PDE3B: variants seen among roughly 807,000 people sequenced by gnomAD.
The protein encoded by PDE3B is phosphodiesterase 3B.
A neutral mutation model predicts 116.8 loss-of-function variants in PDE3B; 66 were observed. That is an observed-to-expected ratio of 0.56 (90% CI 0.46 to 0.69). PDE3B has a LOEUF of 0.69. Ranked by LOEUF, PDE3B falls within the 30% of genes least tolerant of loss-of-function variation. The pLI is 0.00. For synonymous variants in PDE3B, 595 were observed against 533.6 expected, an observed-to-expected ratio of 1.12 and a Z score of -1.59; for missense variants, 1,384 against 1,368.1, an observed-to-expected ratio of 1.01 and a Z score of -0.18.
At chr11:14,659,702 A>G (rs1008061900) in intron 1 of PDE3B, among the ~76,000 whole-genome samples, 28 of 152,140 alleles carry the variant, frequency 1.8e-4, no homozygotes, top group African/African-American at 6.8e-4. Flanking sequence ...CTACGTGGTC[A>G]TGTGTTCTCA....
At chr11:14,658,054 G>A (rs1853768855) in intron 1 of PDE3B, among the ~76,000 whole-genome samples, 1 of 152,120 alleles carries the variant, frequency 6.6e-6, no homozygotes, top group Non-Finnish European at 1.5e-5. Context: ...CCTATCCATG[G>A]AGAAGCATTG....
the PDE3B span, chr11:14,891,915 G>C: frequency 6.4e-7 from 1 of 1,560,680 alleles, no homozygotes; most frequent in Admixed American, 1.8e-5. Flanking sequence ...AGTCCAACCA[G>C]GAAGGCCCTG....
At chr11:14,704,975 T>TAA (rs1855486391) in intron 1 of PDE3B, among the ~76,000 whole-genome samples, 1 of 151,676 alleles carries the variant, frequency 6.6e-6, no homozygotes, top group Non-Finnish European at 1.5e-5. Context: ...AGAAACGACT[T>TAA]ATATATTGGA....
chr11:14,859,636 A>C (rs1455374579), intron 13 of PDE3B, among the ~76,000 whole-genome samples: 2 of 152,212 alleles, frequency 1.3e-5, no homozygotes, highest in African/African-American at 2.4e-5. Context: ...GTTTCTTAAG[A>C]ATCCAGTTAA....
rs768451196 is a variant in PDE3B at position 14,843,920 on chromosome 11, A to T, written c.2414A>T (p.Asn805Ile). 7.4e-6 allele frequency: 12 copies of T among 1,614,008 alleles called. No homozygotes were observed. Among genetic ancestry groups the T allele is most frequent in the Non-Finnish European group, 1.0e-5 (12 of 1,179,950 alleles). The change falls in exon 12 of 16, where the codon AAC becomes ATC. Residue 805 changes from asparagine (N) to isoleucine (I), a missense_variant. Coordinates refer to ENST00000282096, the MANE Select transcript of PDE3B (RefSeq NM_000922.4). ...GAGAGTTATGGCTGCCTGTCTTCAA[A>T]CATTCCTGCATTAGAATTGATGGCT... ...PDESYGCLSS[N>I]IPALELMALY...
At chr11:14,745,062 C>T (rs1055419278) in intron 1 of PDE3B, among the ~76,000 whole-genome samples, 1 of 152,070 alleles carries the variant, frequency 6.6e-6, no homozygotes, top group African/African-American at 2.4e-5. Context: ...TGAGATCAAG[C>T]GATCCTCCCA....
rs543637510 is a variant in PDE3B, at chr11:14,643,940, G to A, written c.-136G>A. The A allele has an allele frequency of 6.2e-6, 8 of 1,285,228 alleles. No homozygotes were observed. The highest frequency in any genetic ancestry group is 8.0e-6 in the Non-Finnish European group (8 of 1,001,650). The allele number at this position is 1,285,228 out of a possible 1,614,324, so 79.6% of individuals were successfully genotyped here. A position where few individuals can be genotyped will look rare whatever the true frequency, so the allele number is the denominator to read the frequency against. On this transcript the variant is annotated 5_prime_UTR_variant, in exon 1 of 16. The change creates a new upstream start codon in the 5' untranslated region. Transcript: ENST00000282096. ...GTCCGCGCGGTGGGGACCCCGGGCC[G>A]TGGCGGCCGGCGCAGCCCTGACGGG... is the stretch of plus-strand genomic sequence containing the variant.
At chr11:14,877,896 C>T in the PDE3B span, 5 of 525,222 alleles carry the variant, frequency 9.5e-6, no homozygotes, top group South Asian at 2.8e-5. Context: ...ATCATTTGCA[C>T]CTTTGTGTCT....
chr11:14,820,617 C>T (rs779949447), intron 7 of PDE3B, among the ~76,000 whole-genome samples: 1 of 152,092 alleles, frequency 6.6e-6, no homozygotes, highest in South Asian at 2.1e-4. Context: ...ATTCATGTGT[C>T]GAAATCCTAT....
chr11:14,657,793 A>G (rs1326695499), intron 1 of PDE3B, among the ~76,000 whole-genome samples: 1 of 152,250 alleles, frequency 6.6e-6, no homozygotes. Context: ...TAAAACAGGC[A>G]GTGCAATTAA....
At chr11:14,694,782 A>G (rs1208764908) in intron 1 of PDE3B, among the ~76,000 whole-genome samples, 3 of 152,120 alleles carry the variant, frequency 2.0e-5, no homozygotes, top group Admixed American at 2.0e-4. Flanking sequence ...GTCTGCTTTT[A>G]TGTGAACCAA....
chr11:14,778,440 A>G (rs999150627), intron 2 of PDE3B, among the ~76,000 whole-genome samples: 2 of 152,098 alleles, frequency 1.3e-5, no homozygotes. Flanking sequence ...GACGCCTCAT[A>G]CGGCCGGGCG....
intron 1 of PDE3B, among the ~76,000 whole-genome samples, chr11:14,691,988 C>T (rs1318799373): frequency 6.6e-6 from 1 of 152,154 alleles, no homozygotes; most frequent in Non-Finnish European, 1.5e-5. Context: ...TAGTACCAGG[C>T]TAGGTGTGGT....
chr11:14,830,949 A>G, intron 8 of PDE3B, 103 bp downstream of exon 8: 1 of 601,720 alleles, frequency 1.7e-6, no homozygotes. Flanking sequence ...ATATAGTAGT[A>G]TTTTTTAATT....
chr11:14,797,775 AT>A (rs1231762193), intron 4 of PDE3B, among the ~76,000 whole-genome samples: 2 of 152,044 alleles, frequency 1.3e-5, no homozygotes, highest in Non-Finnish European at 2.9e-5. Flanking sequence ...TTGCATATTG[AT>A]TTTTTATCCT....
intron 2 of PDE3B, chr11:14,774,580 ACTC>A (rs1466919764): frequency 1.3e-5 from 2 of 151,382 alleles, no homozygotes; most frequent in South Asian, 2.1e-4. Context: ...TCTCCCTCCC[ACTC>A]CTCTTCTTTT....
intron 1 of PDE3B, among the ~76,000 whole-genome samples, chr11:14,762,304 A>C (rs999431418): frequency 2.6e-5 from 4 of 152,214 alleles, no homozygotes; most frequent in Admixed American, 1.3e-4. Context: ...AAAATGAACA[A>C]GAAATTCCTT....
At chr11:14,836,395 A>C (rs1319798537) in intron 11 of PDE3B, among the ~76,000 whole-genome samples, 1 of 152,044 alleles carries the variant, frequency 6.6e-6, no homozygotes, top group African/African-American at 2.4e-5. Flanking sequence ...TGATGTACTC[A>C]TGTAATTTTT....
intron 1 of PDE3B, among the ~76,000 whole-genome samples, chr11:14,646,423 T>C (rs1422688963): frequency 6.6e-6 from 1 of 152,224 alleles, no homozygotes; most frequent in Non-Finnish European, 1.5e-5. Flanking sequence ...AGTTCTGTTA[T>C]GCCTTTTGTT....
Sources: allele counts gnomAD v4.1 joint callset (sites outside exome capture counted in the v4.1 genomes callset), GRCh38; gene constraint gnomAD v4.1.1; transcripts MANE v1.5; gene names NCBI Gene and HGNC (gene_info 2026-07-23, HGNC 2026-07-21).